HM13: variants seen among roughly 807,000 people sequenced by gnomAD.
HM13 encodes the protein signal peptide peptidase.
In HM13, 18 loss-of-function variants were observed where a neutral mutation model predicts 50.0. That is an observed-to-expected ratio of 0.36 (90% confidence interval 0.25 to 0.53). HM13 has a LOEUF of 0.53. HM13 is among the 20% of genes least tolerant of loss of function. The pLI, the probability that HM13 is intolerant of heterozygous loss-of-function variation, is 0.90. For synonymous variants in HM13, 197 were observed against 232.6 expected, an observed-to-expected ratio of 0.85 and a Z score of 1.39; for missense variants, 393 against 552.4, an observed-to-expected ratio of 0.71 and a Z score of 2.89.
intron 3 of HM13, among the ~76,000 whole-genome samples, chr20:31,543,703 G>A (rs1324050063): frequency 1.3e-5 from 2 of 151,794 alleles, no homozygotes; most frequent in Non-Finnish European, 2.9e-5. Context: ...AGGCCGAGGT[G>A]GGCGAATCAC....
Position 31,514,968 on chromosome 20 carries a change from G to A in HM13, c.183+234G>A, listed in dbSNP as rs763718692. On this transcript the variant is annotated intron_variant, in intron 1 of 12. Transcript: ENST00000398174. The surrounding 1 kb of genome is among the most constrained non-coding windows in gnomAD (Gnocchi z 4.3). ...CCTTCCCCAATAGGAACTTGCTTCT[G>A]CTCCCGACCCGGACCCTGACACTTC... Among the ~76,000 whole-genome samples, 1 of 152,088 alleles carries A rather than the reference G, an allele frequency of 6.6e-6. No individual in the cohort carries two copies. The highest frequency in any genetic ancestry group is 2.1e-4 in the South Asian group (1 of 4,824).
At chr20:31,548,180 A>G (rs971590899) in intron 4 of HM13, 7 of 712,478 alleles carry the variant, frequency 9.8e-6, no homozygotes, top group Admixed American at 2.4e-5. Context: ...CAGATACTTT[A>G]TAGAAAACAA....
At position 31,550,167 on chromosome 20, in the gene HM13, C is replaced by A. The variant is rs570535966; in HGVS notation, c.724+46C>A. 4 of 1,443,120 alleles carry A rather than the reference C, an allele frequency of 2.8e-6. No homozygotes were observed. The South Asian group carries it at 3.4e-5, about 12-fold the overall frequency. The allele number at this position is 1,443,120 out of a possible 1,614,324, so 89.4% of individuals were successfully genotyped here. On this transcript the variant is annotated intron_variant, in intron 7 of 12. Coordinates refer to ENST00000398174, the MANE Select transcript of HM13 (RefSeq NM_178581.3). Reference sequence around the variant, plus strand: ...AGGGAACCCCTTCCCCCACCCCTGCCGGGCCATGCCCCCACAGCCCGTTTC... The same window carrying A: ...AGGGAACCCCTTCCCCCACCCCTGCAGGGCCATGCCCCCACAGCCCGTTTC...
At chr20:31,558,549 TCTC>T (rs10544426) in intron 8 of HM13, among the ~76,000 whole-genome samples, 45,568 of 151,748 alleles carry the variant, frequency 0.3, 11,092 homozygotes, top group African/African-American at 0.68. Flanking sequence ...CATGCTGTTC[TCTC>T]CTCCTGGCGT....
At chr20:31,517,551 C>G (rs1981872058) in intron 1 of HM13, among the ~76,000 whole-genome samples, 1 of 152,044 alleles carries the variant, frequency 6.6e-6, no homozygotes, top group Non-Finnish European at 1.5e-5. Flanking sequence ...AGACATGTGA[C>G]TAGTCAAGTA....
chr20:31,541,599 A>C (rs567508705), intron 3 of HM13: 1 of 152,236 alleles, frequency 6.6e-6, no homozygotes, highest in African/African-American at 2.4e-5. Context: ...AAACTGTCAG[A>C]TGAAGGAAAT....
rs534606947 is a variant in HM13, at chr20:31,516,648, C to T, written c.183+1914C>T. 5.3e-5 allele frequency among the ~76,000 whole-genome samples: 8 copies of T among 152,176 alleles called. No individual in the cohort carries two copies. In the South Asian group the frequency reaches 1.0e-3, roughly 20 times the overall value. On this transcript the variant is annotated intron_variant, in intron 1 of 12. Coordinates refer to ENST00000398174, the MANE Select transcript of HM13 (RefSeq NM_178581.3). ...AGAGAGGTACGGAGGCAGGAGGCTA[C>T]GAGGCAGTTCAGGAAATAGTGGAAG...
chr20:31,568,996 G>C, intron 12 of HM13, 124 bp from the exon 13 acceptor site: 1 of 659,872 alleles, frequency 1.5e-6, no homozygotes, highest in Admixed American at 2.6e-5. Context: ...GTGGACACAG[G>C]GCTGACGCTC....
intron 10 of HM13, 22 bp downstream of exon 10, chr20:31,561,758 T>C (rs375679035): frequency 1.3e-6 from 2 of 1,491,088 alleles, no homozygotes; most frequent in African/African-American, 2.8e-5. Context: ...GGTATCAGAG[T>C]GTCAGGAATG....
At chr20:31,538,151 C>T (rs775505734) in intron 2 of HM13, 28 bp from the exon 3 acceptor site, 1 of 1,612,040 alleles carries the variant, frequency 6.2e-7, no homozygotes, top group Admixed American at 1.7e-5. Flanking sequence ...ACCCTAACTT[C>T]CTGTTTCTCT....
chr20:31,516,540 C>A (rs1021445529), intron 1 of HM13, among the ~76,000 whole-genome samples: 1 of 152,154 alleles, frequency 6.6e-6, no homozygotes, highest in Non-Finnish European at 1.5e-5. Flanking sequence ...AGGCTTTGTG[C>A]TAGAGGTAGG....
intron 10 of HM13, among the ~76,000 whole-genome samples, chr20:31,563,623 C>T (rs1258636619): frequency 6.6e-6 from 1 of 152,166 alleles, no homozygotes; most frequent in Non-Finnish European, 1.5e-5. Context: ...CACACCCATC[C>T]TACTTAGGGA....
chr20:31,550,993 TATAA>T (rs1223081542), intron 7 of HM13, among the ~76,000 whole-genome samples: 1 of 152,176 alleles, frequency 6.6e-6, no homozygotes, highest in African/African-American at 2.4e-5. Flanking sequence ...TTTATATATG[TATAA>T]ATATATATGT....
chr20:31,561,643 G>A lies in HM13; in HGVS notation c.855G>A (p.Lys285=). 1 of 1,611,776 alleles carries A rather than the reference G, an allele frequency of 6.2e-7. No individual in the cohort carries two copies. Among genetic ancestry groups the A allele is most frequent in the Non-Finnish European group, 8.5e-7 (1 of 1,177,970 alleles). ...CACACCTTCCCTGCAGCTTGAAGAA[G>A]AATACCCACACCTACTTCTACACCA... ...LLLRFDISLK[K]NTHTYFYTSF... The change falls in exon 10 of 13, where the codon AAG becomes AAA. Residue 285 remains lysine, a synonymous_variant. Transcript: ENST00000398174.
intron 9 of HM13, among the ~76,000 whole-genome samples, chr20:31,560,026 T>C (rs565336783): frequency 1.3e-5 from 2 of 152,306 alleles, no homozygotes; most frequent in East Asian, 3.9e-4. Flanking sequence ...CCTCAGTCGC[T>C]CTTGGTTGAA....
chr20:31,554,728 T>A lies in HM13; in HGVS notation c.725-18T>A. 1 of 1,610,618 alleles carries A rather than the reference T, an allele frequency of 6.2e-7. No individual in the cohort carries two copies. The highest frequency in any genetic ancestry group is 8.5e-7 in the Non-Finnish European group (1 of 1,177,280). ...CTGGGCTCCAGCTGACTCCTCACATTCCCGCCTCCCGCTTCAGTGGTGTTT... is the reference window on the plus strand; with the variant it reads ...CTGGGCTCCAGCTGACTCCTCACATACCCGCCTCCCGCTTCAGTGGTGTTT... On this transcript the variant is annotated intron_variant, in intron 7 of 12. Coordinates refer to ENST00000398174, the MANE Select transcript of HM13 (RefSeq NM_178581.3).
At chr20:31,537,972 C>G (rs143033692) in intron 2 of HM13, among the ~76,000 whole-genome samples, 1 of 152,154 alleles carries the variant, frequency 6.6e-6, no homozygotes, top group Non-Finnish European at 1.5e-5. Context: ...AACCCCTTTG[C>G]GAGGTACAGC....
intron 10 of HM13, among the ~76,000 whole-genome samples, chr20:31,564,587 A>G (rs1984788904): frequency 6.6e-6 from 1 of 152,094 alleles, no homozygotes; most frequent in Non-Finnish European, 1.5e-5. Flanking sequence ...AAAAAAAAAA[A>G]AATTGCTGAG....
At chr20:31,532,202 G>A (rs928044090) in intron 2 of HM13, among the ~76,000 whole-genome samples, 4 of 151,974 alleles carry the variant, frequency 2.6e-5, no homozygotes, top group Non-Finnish European at 1.5e-5. Context: ...CAAGGAGGGT[G>A]TATCACGAGG....
Sources: gnomAD v4.1 joint callset for allele counts (sites outside exome capture counted in the v4.1 genomes callset) on GRCh38, gnomAD v4.1.1 for gene constraint, Gnocchi (gnomAD v3.1) non-coding constraint, MANE v1.5 for transcripts, NCBI Gene and HGNC (gene_info 2026-07-23, HGNC 2026-07-21) for gene names.